PRKN: variants seen among roughly 807,000 people sequenced by gnomAD.
The protein encoded by PRKN is E3 ubiquitin-protein ligase parkin.
Under a neutral mutation model 59.5 loss-of-function variants are expected in PRKN, and 56 were observed. That is an observed-to-expected ratio of 0.94 (90% CI 0.76 to 1.18). PRKN has a LOEUF of 1.18. PRKN is among the 50% of genes most tolerant of loss of function. PRKN has a pLI of 0.00. For missense variants in PRKN, 657 were observed against 596.4 expected, an observed-to-expected ratio of 1.10 and a Z score of -1.06; for synonymous variants, 250 against 222.1, an observed-to-expected ratio of 1.13 and a Z score of -1.12.
At position 162,596,994 on chromosome 6, in the gene PRKN, C is replaced by T. The variant is rs140269248; in HGVS notation, c.7+130668G>A. ...AGACACACGTGACCTTCAAGAAATGCAGGGCTCCTCCCAAGTCTAAATAGT... is the reference window on the plus strand; with the variant it reads ...AGACACACGTGACCTTCAAGAAATGTAGGGCTCCTCCCAAGTCTAAATAGT... On this transcript the variant is annotated intron_variant, in intron 1 of 11. Transcript: ENST00000366898. 8.4e-3 allele frequency among the ~76,000 whole-genome samples: 1,273 copies of T among 152,240 alleles called. 15 individuals are homozygous for T. The highest frequency in any genetic ancestry group is 0.029 in the African/African-American group (1,200 of 41,550).
chr6:162,483,828 C>T (rs1792414895), intron 1 of PRKN, among the ~76,000 whole-genome samples: 1 of 152,146 alleles, frequency 6.6e-6, no homozygotes, highest in African/African-American at 2.4e-5. Context: ...TATAAAACTA[C>T]TAATTGCAAG....
intron 4 of PRKN, 50 bp downstream of exon 4, chr6:162,201,081 G>C (rs1477541749): frequency 6.4e-7 from 1 of 1,569,916 alleles, no homozygotes; most frequent in South Asian, 1.1e-5. Context: ...CAATGTGTTA[G>C]TACACATTCA....
intron 2 of PRKN, among the ~76,000 whole-genome samples, chr6:162,319,035 A>G (rs923908523): frequency 1.3e-5 from 2 of 152,092 alleles, no homozygotes; most frequent in African/African-American, 4.8e-5. Context: ...AGTGTGTTTC[A>G]TAAGTAAGCT....
intron 1 of PRKN, among the ~76,000 whole-genome samples, chr6:162,595,628 G>T (rs1196784450): frequency 6.6e-6 from 1 of 151,824 alleles, no homozygotes; most frequent in African/African-American, 2.4e-5. Flanking sequence ...CTTTAGTGTT[G>T]CTCTATTTGA....
intron 2 of PRKN, among the ~76,000 whole-genome samples, chr6:162,397,813 G>A (rs2128147957): frequency 6.6e-6 from 1 of 152,178 alleles, no homozygotes; most frequent in South Asian, 2.1e-4. Flanking sequence ...AAGGTGGGTG[G>A]ATCACTTGAG....
chr6:162,355,335 CTT>C (rs1784806479), intron 2 of PRKN, among the ~76,000 whole-genome samples: 1 of 151,194 alleles, frequency 6.6e-6, no homozygotes, highest in South Asian at 2.1e-4. Context: ...AATTAAGAGA[CTT>C]TTTAAAAGGC....
chr6:162,530,165 A>G (rs2128196230), intron 1 of PRKN, among the ~76,000 whole-genome samples: 1 of 151,776 alleles, frequency 6.6e-6, no homozygotes, highest in African/African-American at 2.4e-5. Flanking sequence ...GTAAAAAAGT[A>G]GAGGCATTCC....
chr6:161,962,255 T>C (rs1780408525), intron 6 of PRKN, among the ~76,000 whole-genome samples: 1 of 152,170 alleles, frequency 6.6e-6, no homozygotes, highest in South Asian at 2.1e-4. Context: ...CTAAAAAGTG[T>C]CCCAGCAGTT....
At chr6:161,501,843 T>C (rs1451125454) in intron 9 of PRKN, among the ~76,000 whole-genome samples, 1 of 152,220 alleles carries the variant, frequency 6.6e-6, no homozygotes, top group East Asian at 1.9e-4. Flanking sequence ...AGGGGTTTCC[T>C]TCAGGCAGCA....
intron 5 of PRKN, among the ~76,000 whole-genome samples, chr6:162,010,414 T>C (rs1167305900): frequency 1.9e-5 from 1 of 53,524 alleles, no homozygotes; most frequent in Non-Finnish European, 3.0e-5. Flanking sequence ...TTATTATATG[T>C]AATATACATT....
chr6:161,514,646 C>T (rs988028335), intron 9 of PRKN, among the ~76,000 whole-genome samples: 5 of 151,850 alleles, frequency 3.3e-5, no homozygotes, highest in Non-Finnish European at 5.9e-5. Flanking sequence ...TGGGGGATAG[C>T]CGTTTGTCCT....
intron 9 of PRKN, among the ~76,000 whole-genome samples, chr6:161,481,847 T>C (rs1181224085): frequency 6.6e-6 from 1 of 151,880 alleles, no homozygotes; most frequent in Non-Finnish European, 1.5e-5. Flanking sequence ...CTTCTCTTCA[T>C]ATAAACTTAG....
intron 5 of PRKN, among the ~76,000 whole-genome samples, chr6:162,042,109 C>T (rs1361396119): frequency 2.0e-5 from 3 of 151,654 alleles, no homozygotes; most frequent in Non-Finnish European, 4.4e-5. Flanking sequence ...GCATTCTTCT[C>T]CATTTATATT....
rs185880432 is a variant in PRKN at position 162,503,013 on chromosome 6, T to C, written c.8-59540A>G. On this transcript the variant is annotated intron_variant, in intron 1 of 11. Coordinates refer to ENST00000366898, the MANE Select transcript of PRKN (RefSeq NM_004562.3). ...TTCTTAATATTAAAATAAAATAGAA[T>C]ATCTTGTATTGTATTTGGTGGACTG... Among the ~76,000 whole-genome samples the C allele has an allele frequency of 4.6e-3, 699 of 151,324 alleles. 6 individuals carry two copies. The highest frequency in any genetic ancestry group is 0.016 in the African/African-American group (652 of 40,770).
intron 6 of PRKN, among the ~76,000 whole-genome samples, chr6:161,894,409 C>CT (rs1263465576): frequency 6.6e-6 from 1 of 152,198 alleles, no homozygotes; most frequent in Admixed American, 6.5e-5. Context: ...AACATTCCTA[C>CT]TTTTTCCAAA....
Position 161,499,018 on chromosome 6 carries a change from A to C in PRKN, c.1083+49836T>G, listed in dbSNP as rs1777856712. On this transcript the variant is annotated intron_variant, in intron 9 of 11. Coordinates refer to ENST00000366898, the MANE Select transcript of PRKN (RefSeq NM_004562.3). The surrounding 1 kb of genome is among the most constrained non-coding windows in gnomAD (Gnocchi z 4.2). ...GCTTTGCAACCTCCGCACATTTCTCAGAACTCAGGCTGAAACCCTGTGATC... is the reference window on the plus strand; with the variant it reads ...GCTTTGCAACCTCCGCACATTTCTCCGAACTCAGGCTGAAACCCTGTGATC... 6.6e-6 allele frequency among the ~76,000 whole-genome samples: 1 copy of C among 152,152 alleles called. No homozygotes were observed. The highest frequency in any genetic ancestry group is 2.4e-5 in the African/African-American group (1 of 41,422).
chr6:161,443,352 C>T (rs552397603), intron 9 of PRKN, among the ~76,000 whole-genome samples: 4 of 151,748 alleles, frequency 2.6e-5, no homozygotes, highest in African/African-American at 4.8e-5. Context: ...TCCTCCAACA[C>T]GCGTGGTCTT....
At chr6:161,840,938 G>T (rs1792960528) in intron 6 of PRKN, among the ~76,000 whole-genome samples, 1 of 152,132 alleles carries the variant, frequency 6.6e-6, no homozygotes, top group Non-Finnish European at 1.5e-5. Flanking sequence ...TGAGACTATG[G>T]AGAAAAAGGA....
In PRKN at chr6:161,560,146, C is replaced by T. The variant is rs1780402349; in HGVS notation, c.933+9209G>A. Among the ~76,000 whole-genome samples the T allele has an allele frequency of 6.6e-6, 1 of 152,148 alleles. No homozygotes were observed. The highest frequency in any genetic ancestry group is 1.5e-5 in the Non-Finnish European group (1 of 68,032). ...CTAATATCAGCCAATTTCCATGCTT[C>T]CCTCTCTCCTAAGCCTTTTTTCTGT... is the stretch of plus-strand genomic sequence containing the variant. On this transcript the variant is annotated intron_variant, in intron 8 of 11. Transcript: ENST00000366898. The surrounding 1 kb of genome is among the most constrained non-coding windows in gnomAD (Gnocchi z 4.9).
Sources: allele counts gnomAD v4.1 joint callset (sites outside exome capture counted in the v4.1 genomes callset), GRCh38; gene constraint gnomAD v4.1.1; non-coding constraint Gnocchi (gnomAD v3.1); transcripts MANE v1.5; gene names NCBI Gene and HGNC (gene_info 2026-07-23, HGNC 2026-07-21).